Variants in TRABD2B observed in about 807,000 individuals in gnomAD.
TRABD2B encodes the protein TraB domain containing 2B, also known as metalloprotease TIKI2.
Under a neutral mutation model 40.1 loss-of-function variants are expected in TRABD2B, and 14 were observed. That is an observed-to-expected ratio of 0.35 (90% CI 0.23 to 0.55). The LOEUF is 0.55. Among genes scored for constraint, TRABD2B ranks in the 20% least tolerant of loss-of-function variants. TRABD2B has a pLI of 0.90. For missense variants in TRABD2B, 541 were observed against 648.6 expected (o/e 0.83, Z 1.80); for synonymous variants, 263 against 277.0 (o/e 0.95, Z 0.50).
chr1:47,905,643 A>C (rs1048284227), intron 2 of TRABD2B, among the ~76,000 whole-genome samples: 2 of 151,702 alleles, frequency 1.3e-5, no homozygotes, highest in African/African-American at 4.8e-5. Flanking sequence ...GCTCTACATA[A>C]ACTCTCTTGA....
chr1:47,877,735 C>T (rs1243239075), intron 2 of TRABD2B, among the ~76,000 whole-genome samples: 3 of 152,148 alleles, frequency 2.0e-5, no homozygotes, highest in Non-Finnish European at 4.4e-5. Context: ...TAAAAAGATG[C>T]AGTCTTCCAT....
At chr1:47,891,353 C>G (rs1644442608) in intron 2 of TRABD2B, among the ~76,000 whole-genome samples, 1 of 152,228 alleles carries the variant, frequency 6.6e-6, no homozygotes, top group Admixed American at 6.5e-5. Context: ...GGCGCAGAGA[C>G]AGAGAGTAAG....
chr1:47,817,459 A>G (rs1165366134), intron 2 of TRABD2B, among the ~76,000 whole-genome samples: 1 of 151,686 alleles, frequency 6.6e-6, no homozygotes, highest in East Asian at 2.0e-4. Context: ...CCTTCCCTCT[A>G]CCTCCAACTC....
intron 2 of TRABD2B, among the ~76,000 whole-genome samples, chr1:47,948,708 G>A (rs892940365): frequency 2.0e-5 from 3 of 152,090 alleles, no homozygotes; most frequent in South Asian, 2.1e-4. Flanking sequence ...TTCTAAGACC[G>A]TCCCAAGTGA....
At chr1:47,841,008 G>A (rs1299948062) in intron 2 of TRABD2B, among the ~76,000 whole-genome samples, 3 of 152,148 alleles carry the variant, frequency 2.0e-5, no homozygotes, top group African/African-American at 4.8e-5. Flanking sequence ...TCTGGAGCAG[G>A]CCTACCTCCT....
chr1:47,990,418 G>C (rs1645983631), intron 2 of TRABD2B, among the ~76,000 whole-genome samples: 1 of 152,056 alleles, frequency 6.6e-6, no homozygotes, highest in Non-Finnish European at 1.5e-5. Context: ...CTGGACTCAA[G>C]ACTTAGGCAT....
intron 2 of TRABD2B, among the ~76,000 whole-genome samples, chr1:47,878,304 A>G (rs1266103971): frequency 6.6e-6 from 1 of 152,202 alleles, no homozygotes; most frequent in Non-Finnish European, 1.5e-5. Context: ...CGACAGAGAG[A>G]GACTCTCCCC....
intron 2 of TRABD2B, among the ~76,000 whole-genome samples, chr1:47,945,571 T>C (rs1285594071): frequency 2.6e-5 from 4 of 152,234 alleles, no homozygotes; most frequent in Admixed American, 6.5e-5. Context: ...TGTCCCTCTG[T>C]AGTAAACCCT....
At chr1:47,843,205 T>C (rs181255685) in intron 2 of TRABD2B, among the ~76,000 whole-genome samples, 15 of 152,146 alleles carry the variant, frequency 9.9e-5, no homozygotes, top group African/African-American at 3.6e-4. Flanking sequence ...TGGAGGGTTT[T>C]AAGCCGGGGG....
chr1:47,928,067 G>T (rs1644993229), intron 2 of TRABD2B, among the ~76,000 whole-genome samples: 1 of 152,208 alleles, frequency 6.6e-6, no homozygotes, highest in Admixed American at 6.5e-5. Flanking sequence ...CAAGTGATCC[G>T]TGGGCACAGT....
chr1:47,837,054 C>T (rs1471627520), intron 2 of TRABD2B, among the ~76,000 whole-genome samples: 1 of 152,226 alleles, frequency 6.6e-6, no homozygotes, highest in East Asian at 1.9e-4. Flanking sequence ...GGTGTTTGTT[C>T]ACTGAACTGA....
chr1:47,794,647 C>T lies in TRABD2B; in HGVS notation c.927G>A (p.Lys309=), dbSNP rs974038487. 1.3e-6 allele frequency: 2 copies of T among 1,536,762 alleles called. No individual in the cohort carries two copies. Among genetic ancestry groups the T allele is most frequent in the Admixed American group, 2.0e-5 (1 of 51,004 alleles). The change falls in exon 4 of 7, where the codon AAG becomes AAA. Residue 309 remains lysine (K), a synonymous_variant. Transcript: ENST00000606738. ...LIYKRNERMG[K]RVMALLRENE... is the part of the protein sequence containing the mutation. ...TCTCCCGTAGAAGCGCCATGACCCT[C>T]TTCCCCATGCGCTCATTCCTCTTGT... is the stretch of plus-strand genomic sequence containing the variant.
chr1:47,934,615 A>T (rs752029205), intron 2 of TRABD2B, among the ~76,000 whole-genome samples: 2 of 152,200 alleles, frequency 1.3e-5, no homozygotes, highest in African/African-American at 2.4e-5. Context: ...TGATTGCTCC[A>T]TGTCTGATTA....
At chr1:47,892,471 G>C (rs1210481841) in intron 2 of TRABD2B, among the ~76,000 whole-genome samples, 4 of 152,240 alleles carry the variant, frequency 2.6e-5, no homozygotes, top group Non-Finnish European at 5.9e-5. Flanking sequence ...TGAATCCAGA[G>C]AGTTTGTACG....
At chr1:47,890,926 C>G (rs1046543547) in intron 2 of TRABD2B, among the ~76,000 whole-genome samples, 3 of 152,246 alleles carry the variant, frequency 2.0e-5, no homozygotes, top group Admixed American at 6.5e-5. Flanking sequence ...GTTCCCATCC[C>G]TATCTTGTTT....
At chr1:47,816,841 C>T (rs1031919332) in intron 2 of TRABD2B, among the ~76,000 whole-genome samples, 2 of 152,148 alleles carry the variant, frequency 1.3e-5, no homozygotes, top group African/African-American at 4.8e-5. Flanking sequence ...AATTTTATCC[C>T]TATTTTACTG....
intron 2 of TRABD2B, among the ~76,000 whole-genome samples, chr1:47,971,647 C>T (rs971201964): frequency 9.9e-5 from 15 of 152,152 alleles, no homozygotes; most frequent in African/African-American, 3.6e-4. Flanking sequence ...GCCACACCCA[C>T]AATAGGTACT....
intron 3 of TRABD2B, among the ~76,000 whole-genome samples, chr1:47,798,861 T>G (rs1233444831): frequency 6.6e-6 from 1 of 152,084 alleles, no homozygotes; most frequent in Non-Finnish European, 1.5e-5. Context: ...CTCCAACAGA[T>G]CCTCATGGGA....
At chr1:47,863,651 A>C (rs1358670006) in intron 2 of TRABD2B, among the ~76,000 whole-genome samples, 1 of 152,058 alleles carries the variant, frequency 6.6e-6, no homozygotes, top group African/African-American at 2.4e-5. Context: ...TACATTGCTG[A>C]TGGGAAGCAA....
Sources: gnomAD v4.1 joint callset for allele counts (sites outside exome capture counted in the v4.1 genomes callset) on GRCh38, gnomAD v4.1.1 for gene constraint, MANE v1.5 for transcripts, NCBI Gene and HGNC (gene_info 2026-07-23, HGNC 2026-07-21) for gene names.